The following FHIT variants were observed in gnomAD, a reference collection of about 807,000 sequenced individuals.
FHIT encodes the protein bis(5'-adenosyl)-triphosphatase.
FHIT carries 19 observed loss-of-function variants against 17.9 expected under a neutral mutation model. That is an observed-to-expected ratio of 1.06 (90% CI 0.74 to 1.56). The LOEUF (loss-of-function observed/expected upper bound fraction) is 1.56, where lower values mean the gene tolerates loss of function less well. Ranked by LOEUF, FHIT falls within the 40% of genes most tolerant of loss-of-function variation. FHIT has a pLI of 0.00. For missense variants in FHIT, 248 were observed against 189.2 expected, an observed-to-expected ratio of 1.31 and a Z score of -1.82; for synonymous variants, 81 against 69.7, an observed-to-expected ratio of 1.16 and a Z score of -0.81.
chr3:60,681,989 T>G (rs2040760406), intron 4 of FHIT, among the ~76,000 whole-genome samples: 1 of 150,064 alleles, frequency 6.7e-6, no homozygotes, highest in African/African-American at 2.5e-5. Flanking sequence ...TTTTTTTTTT[T>G]GAAACATAGT....
intron 5 of FHIT, among the ~76,000 whole-genome samples, chr3:60,136,966 T>C (rs1699841832): frequency 6.6e-6 from 1 of 152,216 alleles, no homozygotes; most frequent in Admixed American, 6.5e-5. Context: ...ATATTTCACC[T>C]CTTCTAATTA....
At chr3:60,498,700 C>T (rs6793324) in intron 5 of FHIT, among the ~76,000 whole-genome samples, 87,035 of 152,030 alleles carry the variant, frequency 0.57, 25,698 homozygotes, top group East Asian at 0.71. Context: ...AGTTAAACAA[C>T]ATCACACACC....
intron 2 of FHIT, among the ~76,000 whole-genome samples, chr3:61,071,218 CAAAAGAAAAAG>C (rs1454191316): frequency 2.6e-5 from 4 of 151,468 alleles, no homozygotes; most frequent in Non-Finnish European, 5.9e-5. Context: ...ATATCTACTC[CAAAAGAAAAAG>C]AAAAGAAAAA....
intron 5 of FHIT, among the ~76,000 whole-genome samples, chr3:60,254,068 T>TAC (rs538752738): frequency 6.6e-6 from 1 of 152,170 alleles, no homozygotes; most frequent in Non-Finnish European, 1.5e-5. Flanking sequence ...TTCTCTCTTT[T>TAC]ACACACACAG....
At chr3:60,868,460 C>T (rs80305783) in intron 3 of FHIT, among the ~76,000 whole-genome samples, 1 of 152,272 alleles carries the variant, frequency 6.6e-6, no homozygotes, top group East Asian at 1.9e-4. Flanking sequence ...TCCCTATTCT[C>T]TTCCTAGTTG....
intron 4 of FHIT, among the ~76,000 whole-genome samples, chr3:60,747,256 C>T (rs142936660): frequency 1.4e-4 from 21 of 152,272 alleles, no homozygotes; most frequent in Admixed American, 3.3e-4. Context: ...TGCCATTCCT[C>T]GGATCTGTTT....
rs1351275293 is a variant in FHIT at position 60,165,630 on chromosome 3, A to T, written c.104-151478T>A. 3.3e-5 allele frequency among the ~76,000 whole-genome samples: 5 copies of T among 152,158 alleles called. No individual in the cohort carries two copies. The South Asian group carries it at 1.0e-3, about 32-fold the overall frequency. On this transcript the variant is annotated intron_variant, in intron 5 of 9. Coordinates refer to ENST00000492590, the MANE Select transcript of FHIT (RefSeq NM_002012.4). ...ACTAAGACTAAGAATGTCAAATGAG[A>T]TTATAAAGATACCTATCTTTGCTCA...
intron 8 of FHIT, among the ~76,000 whole-genome samples, chr3:59,793,646 T>G (rs1259112123): frequency 6.6e-6 from 1 of 152,142 alleles, no homozygotes; most frequent in Non-Finnish European, 1.5e-5. Context: ...CCGAAGACAA[T>G]GTAAGGAAAT....
intron 8 of FHIT, among the ~76,000 whole-genome samples, chr3:59,825,789 A>G (rs1476188455): frequency 3.3e-5 from 5 of 152,284 alleles, no homozygotes; most frequent in East Asian, 3.9e-4. Flanking sequence ...CATTTGCCCA[A>G]TCTACCCTAG....
intron 5 of FHIT, among the ~76,000 whole-genome samples, chr3:60,289,602 C>A (rs1707890696): frequency 6.6e-6 from 1 of 152,156 alleles, no homozygotes; most frequent in Non-Finnish European, 1.5e-5. Flanking sequence ...TTTATAGTTG[C>A]TGTCAGATTT....
At chr3:60,991,755 T>C (rs986311348) in intron 3 of FHIT, among the ~76,000 whole-genome samples, 1 of 152,126 alleles carries the variant, frequency 6.6e-6, no homozygotes, top group Non-Finnish European at 1.5e-5. Context: ...TACAGAGTAG[T>C]GTTAGTGCCT....
chr3:60,926,251 A>G (rs563574191), intron 3 of FHIT, among the ~76,000 whole-genome samples: 1 of 152,326 alleles, frequency 6.6e-6, no homozygotes, highest in African/African-American at 2.4e-5. Context: ...AACAGAATAT[A>G]CATTCTTTTC....
intron 5 of FHIT, among the ~76,000 whole-genome samples, chr3:60,534,617 TATA>T (rs1377869607): frequency 2.8e-4 from 43 of 152,122 alleles, no homozygotes; most frequent in Non-Finnish European, 7.4e-5. Flanking sequence ...ACTTATAGAG[TATA>T]ATGATTTTAA....
At chr3:60,961,817 T>C (rs1432408185) in intron 3 of FHIT, among the ~76,000 whole-genome samples, 1 of 152,188 alleles carries the variant, frequency 6.6e-6, no homozygotes, top group African/African-American at 2.4e-5. Flanking sequence ...TACCATGCTG[T>C]TTTGGTTACT....
At chr3:60,903,696 C>T (rs1479867903) in intron 3 of FHIT, among the ~76,000 whole-genome samples, 1 of 152,178 alleles carries the variant, frequency 6.6e-6, no homozygotes, top group South Asian at 2.1e-4. Context: ...TATCTCTAAA[C>T]ATCTGGATTT....
chr3:59,989,782 G>A (rs919141158), intron 7 of FHIT, among the ~76,000 whole-genome samples: 3 of 151,958 alleles, frequency 2.0e-5, no homozygotes, highest in Non-Finnish European at 4.4e-5. Context: ...TTGATTGATT[G>A]TAAACAAATT....
intron 3 of FHIT, among the ~76,000 whole-genome samples, chr3:60,929,533 T>C (rs1193520313): frequency 2.0e-5 from 3 of 152,138 alleles, no homozygotes; most frequent in African/African-American, 7.2e-5. Flanking sequence ...ACAAAATCAA[T>C]GTGCAAAAAT....
intron 5 of FHIT, among the ~76,000 whole-genome samples, chr3:60,231,132 C>T (rs764807692): frequency 2.0e-4 from 30 of 152,174 alleles, no homozygotes; most frequent in Non-Finnish European, 4.3e-4. Context: ...TGCCTCTGAG[C>T]CATGCTCATA....
rs956695005 is a variant in FHIT at position 60,085,076 on chromosome 3, T to C, written c.104-70924A>G. ...GCTCCCTGTCGCCATGTTTGTGTAA[T>C]ATGACAACAGACTTAGGCAAGTGAT... On this transcript the variant is annotated intron_variant, in intron 5 of 9. Coordinates refer to ENST00000492590, the MANE Select transcript of FHIT (RefSeq NM_002012.4). Among the ~76,000 whole-genome samples the C allele has an allele frequency of 6.6e-5, 10 of 152,184 alleles. No individual in the cohort carries two copies. In the South Asian group the frequency reaches 1.4e-3, roughly 22 times the overall value.
Sources: gnomAD v4.1 joint callset for allele counts (sites outside exome capture counted in the v4.1 genomes callset) on GRCh38, gnomAD v4.1.1 for gene constraint, MANE v1.5 for transcripts, NCBI Gene and HGNC (gene_info 2026-07-23, HGNC 2026-07-21) for gene names.